The following PFKFB3 variants were observed in gnomAD, a reference collection of about 807,000 sequenced individuals.
PFKFB3 encodes the protein 6-phosphofructo-2-kinase/fructose-2,6-biphosphatase 3.
In PFKFB3, 33 loss-of-function variants were observed where a neutral mutation model predicts 68.0. That is an observed-to-expected ratio of 0.49 (90% confidence interval 0.37 to 0.65). The LOEUF (loss-of-function observed/expected upper bound fraction) is 0.65. Among genes scored for constraint, PFKFB3 ranks in the 30% least tolerant of loss-of-function variants. PFKFB3 has a pLI of 0.00. For synonymous variants in PFKFB3, 315 were observed against 288.2 expected (o/e 1.09, Z -0.94); for missense variants, 586 against 712.2 (o/e 0.82, Z 2.02).
At chr10:6,149,280 A>C (rs962847484) in intron 1 of PFKFB3, among the ~76,000 whole-genome samples, 4 of 152,086 alleles carry the variant, frequency 2.6e-5, no homozygotes, top group African/African-American at 9.7e-5. Flanking sequence ...ATAGCAGGTG[A>C]AAGTTCTAAT....
intron 5 of PFKFB3, 89 bp from the exon 6 acceptor site, chr10:6,217,046 C>G (rs554651168): frequency 7.5e-5 from 100 of 1,335,250 alleles, no homozygotes; most frequent in Non-Finnish European, 8.7e-5. Flanking sequence ...GGCGTGCTTC[C>G]GCCTTGTCCG....
At position 6,203,277 on chromosome 10, in the gene PFKFB3, C is replaced by G; in HGVS notation, c.17C>G (p.Thr6Arg). 1.2e-6 allele frequency: 2 copies of G among 1,610,626 alleles called. No individual in the cohort carries two copies. The highest frequency in any genetic ancestry group is 1.1e-5 in the South Asian group (1 of 90,552). The change falls in exon 1 of 15, where the codon ACG becomes AGG. Residue 6 changes from threonine to arginine, a missense_variant. Physicochemically the swap from Thr to Arg is moderately conservative, Grantham distance 71 (BLOSUM62 -1). Transcript: ENST00000379775. ...GCCGCGAAGATGCCGTTGGAACTGA[C>G]GCAGAGCCGAGTGCAGAAGATCTGG... MPLELTQSRVQKIWVP... is the reference protein window; with the variant it reads MPLELRQSRVQKIWVP...
At chr10:6,305,189 T>G in the PFKFB3 span, among the ~76,000 whole-genome samples, 23 of 141,216 alleles carry the variant, frequency 1.6e-4, no homozygotes, top group Admixed American at 9.4e-4. Flanking sequence ...TTAGGAATTT[T>G]TTTTTTTTTT....
intron 1 of PFKFB3, among the ~76,000 whole-genome samples, chr10:6,189,247 T>G (rs1842963119): frequency 1.3e-5 from 2 of 152,248 alleles, no homozygotes; most frequent in South Asian, 4.1e-4. Context: ...TTTGCTATTG[T>G]GAATGATGCT....
At chr10:6,168,658 C>T (rs1296405767) in intron 1 of PFKFB3, among the ~76,000 whole-genome samples, 2 of 152,186 alleles carry the variant, frequency 1.3e-5, no homozygotes, top group East Asian at 3.8e-4. Context: ...GACAACTTGG[C>T]CATTGCTACG....
chr10:6,165,112 G>C (rs951470920), intron 1 of PFKFB3, among the ~76,000 whole-genome samples: 3 of 152,152 alleles, frequency 2.0e-5, no homozygotes, highest in Non-Finnish European at 1.5e-5. Context: ...TCTCAGTGGG[G>C]GGAAACCTTG....
the PFKFB3 span, among the ~76,000 whole-genome samples, chr10:6,316,947 G>A: frequency 0.86 from 130,320 of 152,120 alleles, 56,018 homozygotes; most frequent in Middle Eastern, 0.91. Context: ...TCCACTTTTT[G>A]TACTCCAAAC....
At chr10:6,319,025 TG>T in the PFKFB3 span, among the ~76,000 whole-genome samples, 1 of 152,196 alleles carries the variant, frequency 6.6e-6, no homozygotes, top group South Asian at 2.1e-4. Context: ...TGTGGACCCT[TG>T]ATCAATATTC....
chr10:6,212,574 G>A (rs1393883026), intron 1 of PFKFB3, among the ~76,000 whole-genome samples: 1 of 152,138 alleles, frequency 6.6e-6, no homozygotes, highest in African/African-American at 2.4e-5. Flanking sequence ...GAGAGGCTCG[G>A]GTGGAGGATT....
the PFKFB3 span, among the ~76,000 whole-genome samples, chr10:6,260,435 A>C: frequency 6.8e-6 from 1 of 147,380 alleles, no homozygotes; most frequent in Admixed American, 6.8e-5. Flanking sequence ...AAAAAAAAAA[A>C]AAATTCAAAC....
intron 1 of PFKFB3, among the ~76,000 whole-genome samples, chr10:6,146,957 G>A (rs79733772): frequency 2.6e-5 from 4 of 152,256 alleles, no homozygotes; most frequent in African/African-American, 9.6e-5. Flanking sequence ...ACTGTTGCTT[G>A]GCATAAGTGC....
chr10:6,192,438 A>G (rs78385590), intron 1 of PFKFB3, among the ~76,000 whole-genome samples: 41 of 141,420 alleles, frequency 2.9e-4, no homozygotes, highest in Non-Finnish European at 5.2e-4. Context: ...AGGAAGAAAT[A>G]TGAGGGGAAC....
At position 6,166,225 on chromosome 10, in the gene PFKFB3, G is replaced by A. The variant is rs543246478; in HGVS notation, c.16+21212G>A. ...TCGAACACCTGAGCTCAGGTGATCC[G>A]CCCGCCTCGGTCTCCCAGAGTGCTG... On this transcript the variant is annotated intron_variant, in intron 1 of 14. Coordinates refer to the PFKFB3 transcript ENST00000379789. Among the ~76,000 whole-genome samples the A allele has an allele frequency of 2.3e-4, 35 of 152,002 alleles. No homozygotes were observed. In the East Asian group the frequency reaches 5.0e-3, roughly 22 times the overall value.
At chr10:6,282,842 T>C in the PFKFB3 span, among the ~76,000 whole-genome samples, 1 of 152,226 alleles carries the variant, frequency 6.6e-6, no homozygotes, top group African/African-American at 2.4e-5. Context: ...GTATAGAAAG[T>C]TCCTTTGTCT....
rs972760332 is a variant in PFKFB3, at chr10:6,221,585, G to A, written c.979-56G>A. On this transcript the variant is annotated intron_variant, in intron 9 of 14. Transcript: ENST00000379775. ...CCTCGGGCATGGGGCGGCTTCCCAA[G>A]AGGCCCTAGACACCCCTGTGGTTTG... The A allele has an allele frequency of 6.5e-5, 104 of 1,611,302 alleles. 1 individual carries two copies. In the African/African-American group the frequency reaches 1.2e-3, roughly 18 times the overall value.
In PFKFB3 at chr10:6,234,475, A is replaced by G. The variant is rs1198627849; in HGVS notation, c.*1533A>G. ...TGAGGCTGTGCTTCAGGTATGGTAC[A>G]ATCAAGTGGGGGATTTTCATGCTGA... is the stretch of plus-strand genomic sequence containing the variant. On this transcript the variant is annotated 3_prime_UTR_variant, in exon 15 of 15. Coordinates refer to ENST00000379775, the MANE Select transcript of PFKFB3 (RefSeq NM_004566.4). The G allele has an allele frequency of 6.6e-6, 1 of 152,268 alleles. No homozygotes were observed. Among genetic ancestry groups the G allele is most frequent in the Non-Finnish European group, 1.5e-5 (1 of 68,038 alleles). The allele number at this position is 152,268 out of a possible 1,614,324, so 9.4% of individuals were successfully genotyped here. A position where few individuals can be genotyped will look rare whatever the true frequency, so the allele number is the denominator to read the frequency against.
At chr10:6,276,179 G>T in the PFKFB3 span, among the ~76,000 whole-genome samples, 1 of 152,058 alleles carries the variant, frequency 6.6e-6, no homozygotes, top group Non-Finnish European at 1.5e-5. Context: ...TTATTTTGTG[G>T]GATTTTGGCC....
chr10:6,256,719 A>C (rs1218208340), downstream of PFKFB3, among the ~76,000 whole-genome samples: 1 of 152,246 alleles, frequency 6.6e-6, no homozygotes, highest in Non-Finnish European at 1.5e-5. Context: ...GGAACTATTC[A>C]GTAAGTAGAA....
chr10:6,291,219 G>A, the PFKFB3 span, among the ~76,000 whole-genome samples: 1 of 152,082 alleles, frequency 6.6e-6, no homozygotes, highest in South Asian at 2.1e-4. Context: ...AAATGCCAAA[G>A]TTAAGTATTA....
Sources: gnomAD v4.1 joint callset for allele counts (sites outside exome capture counted in the v4.1 genomes callset) on GRCh38, gnomAD v4.1.1 for gene constraint, MANE v1.5 for transcripts, NCBI Gene and HGNC (gene_info 2026-07-23, HGNC 2026-07-21) for gene names.